The following FRMD3 variants were observed in gnomAD, a reference collection of about 807,000 sequenced individuals.
The protein encoded by FRMD3 is FERM domain containing 3, also known as FERM domain-containing protein 3.
A neutral mutation model predicts 70.2 loss-of-function variants in FRMD3; 33 were observed. The observed-to-expected ratio is 0.47, with a 90% CI of 0.36 to 0.63. The LOEUF is 0.63. Among genes scored for constraint, FRMD3 ranks in the 20% least tolerant of loss-of-function variants. FRMD3 has a pLI of 0.00. For missense variants in FRMD3, 632 were observed against 711.4 expected (o/e 0.89, Z 1.27); for synonymous variants, 279 against 255.9 (o/e 1.09, Z -0.86).
rs1271332912 is a variant in FRMD3, at chr9:83,477,513, A to G, written c.147+60572T>C. Among the ~76,000 whole-genome samples the G allele has an allele frequency of 2.0e-5, 3 of 152,060 alleles. No homozygotes were observed. The East Asian group carries it at 5.8e-4, about 29-fold the overall frequency. On this transcript the variant is annotated intron_variant, in intron 1 of 13. Transcript: ENST00000304195. ...TCTGCAGCCTGTCTGGGCCACTGGGATTTGCAAAGCTCCCCAGGTAATTAT... is the reference window on the plus strand; with the variant it reads ...TCTGCAGCCTGTCTGGGCCACTGGGGTTTGCAAAGCTCCCCAGGTAATTAT...
intron 1 of FRMD3, among the ~76,000 whole-genome samples, chr9:83,472,027 G>C (rs1017540396): frequency 1.3e-5 from 2 of 152,200 alleles, no homozygotes; most frequent in African/African-American, 2.4e-5. Flanking sequence ...ACAACACAGA[G>C]CAAGGGCCTC....
chr9:83,443,177 C>T (rs758193229), intron 1 of FRMD3, among the ~76,000 whole-genome samples: 5 of 152,130 alleles, frequency 3.3e-5, no homozygotes, highest in Admixed American at 6.5e-5. Context: ...AAGTTCTATA[C>T]ATGTGCACAA....
chr9:83,450,228 CAG>C (rs977067815), intron 1 of FRMD3, among the ~76,000 whole-genome samples: 6 of 140,328 alleles, frequency 4.3e-5, no homozygotes, highest in Non-Finnish European at 9.3e-5. Context: ...CACACACACA[CAG>C]ACACACACAC....
chr9:83,366,653 A>G (rs1312773385), intron 3 of FRMD3, among the ~76,000 whole-genome samples: 1 of 152,260 alleles, frequency 6.6e-6, no homozygotes, highest in Non-Finnish European at 1.5e-5. Flanking sequence ...CTCTCAAAGA[A>G]AGAAGAAAAT....
chr9:83,360,371 C>CT (rs1346602736), intron 3 of FRMD3, among the ~76,000 whole-genome samples: 1 of 152,180 alleles, frequency 6.6e-6, no homozygotes, highest in Admixed American at 6.5e-5. Flanking sequence ...TATAAAGGCT[C>CT]TCCCACCAAA....
chr9:83,471,921 G>A (rs1828278366), intron 1 of FRMD3, among the ~76,000 whole-genome samples: 1 of 152,176 alleles, frequency 6.6e-6, no homozygotes, highest in South Asian at 2.1e-4. Context: ...CTTTGGGCAA[G>A]TGTCCTAACT....
chr9:83,445,743 T>C (rs1827442301), intron 1 of FRMD3, among the ~76,000 whole-genome samples: 1 of 152,192 alleles, frequency 6.6e-6, no homozygotes, highest in Non-Finnish European at 1.5e-5. Flanking sequence ...ATTAGGAATG[T>C]TTGCACTTTG....
Position 83,443,940 on chromosome 9 carries a change from T to C in FRMD3, c.148-54232A>G, listed in dbSNP as rs541609444. Among the ~76,000 whole-genome samples the C allele has an allele frequency of 5.9e-5, 9 of 152,366 alleles. No individual in the cohort carries two copies. The South Asian group carries it at 1.9e-3, about 32-fold the overall frequency. On this transcript the variant is annotated intron_variant, in intron 1 of 13. Coordinates refer to ENST00000304195, the MANE Select transcript of FRMD3 (RefSeq NM_174938.6). ...ATGGAAGGAGACCACTGTGCTCTTT[T>C]TAATTTTTTTCAATATTTGCATGTA...
In FRMD3 at chr9:83,413,855, T is replaced by G. The variant is rs796949251; in HGVS notation, c.148-24147A>C. On this transcript the variant is annotated intron_variant, in intron 1 of 13. Coordinates refer to ENST00000304195, the MANE Select transcript of FRMD3 (RefSeq NM_174938.6). Reference sequence around the variant, plus strand: ...CAACAGAAAGAAAACTATTAGAGATTTATATATCTCTTGCCAGAATGTAGC... The same window carrying G: ...CAACAGAAAGAAAACTATTAGAGATGTATATATCTCTTGCCAGAATGTAGC... 1.3e-4 allele frequency among the ~76,000 whole-genome samples: 20 copies of G among 152,292 alleles called. 1 individual carries two copies. Among genetic ancestry groups the G allele is most frequent in the African/African-American group, 4.6e-4 (19 of 41,562 alleles).
chr9:83,440,585 A>G (rs3860925), intron 1 of FRMD3, among the ~76,000 whole-genome samples: 15,220 of 152,268 alleles, frequency 0.1, 829 homozygotes, highest in Admixed American at 0.13. Context: ...GACGAGGGGC[A>G]ACATTACTAT....
chr9:83,303,343 A>G (rs1412097623), intron 10 of FRMD3, among the ~76,000 whole-genome samples: 2 of 152,196 alleles, frequency 1.3e-5, no homozygotes, highest in Non-Finnish European at 2.9e-5. Context: ...TCACTTTACC[A>G]TGGTTCCATG....
intron 13 of FRMD3, among the ~76,000 whole-genome samples, chr9:83,273,900 C>T (rs922515308): frequency 1.8e-4 from 28 of 152,258 alleles, no homozygotes; most frequent in African/African-American, 6.5e-4. Flanking sequence ...ACTGCAGCCT[C>T]GACCTCCTGG....
At chr9:83,384,242 C>A (rs1205830886) in intron 2 of FRMD3, among the ~76,000 whole-genome samples, 4 of 152,182 alleles carry the variant, frequency 2.6e-5, no homozygotes, top group Admixed American at 6.5e-5. Flanking sequence ...CTTGAGGCAG[C>A]AGCACAACCC....
At chr9:83,542,274 C>T (rs1830008422), upstream of FRMD3, among the ~76,000 whole-genome samples, 1 of 152,200 alleles carries the variant, frequency 6.6e-6, no homozygotes, top group Non-Finnish European at 1.5e-5. Flanking sequence ...AAATAGATAA[C>T]AGGTGGCCTG....
chr9:83,262,656 C>A (rs1833040606), intron 13 of FRMD3, among the ~76,000 whole-genome samples: 1 of 152,186 alleles, frequency 6.6e-6, no homozygotes, highest in Admixed American at 6.5e-5. Flanking sequence ...CCTCCCTGCC[C>A]ACCTATTGAG....
intron 1 of FRMD3, among the ~76,000 whole-genome samples, chr9:83,492,789 T>C (rs1240545163): frequency 1.3e-5 from 2 of 152,158 alleles, no homozygotes; most frequent in African/African-American, 4.8e-5. Context: ...AGCAGCCTTC[T>C]GGTGGGGTGG....
At chr9:83,387,062 T>C (rs1002395571) in intron 2 of FRMD3, among the ~76,000 whole-genome samples, 23 of 152,268 alleles carry the variant, frequency 1.5e-4, no homozygotes, top group African/African-American at 5.5e-4. Context: ...TATAGAGTTA[T>C]TATTTTTCCC....
intron 8 of FRMD3, 63 bp from the exon 9 acceptor site, chr9:83,310,611 T>TAGC: frequency 7.7e-7 from 1 of 1,302,794 alleles, no homozygotes; most frequent in Non-Finnish European, 1.1e-6. Flanking sequence ...GTACCTGGGT[T>TAGC]TCCCATAGGA....
chr9:83,381,416 T>A (rs1347503862), intron 2 of FRMD3, among the ~76,000 whole-genome samples: 1 of 151,710 alleles, frequency 6.6e-6, no homozygotes, highest in Non-Finnish European at 1.5e-5. Context: ...ATTAGCCGGG[T>A]GTGGTGGCAC....
Sources: gnomAD v4.1 joint callset for allele counts (sites outside exome capture counted in the v4.1 genomes callset) on GRCh38, gnomAD v4.1.1 for gene constraint, MANE v1.5 for transcripts, NCBI Gene and HGNC (gene_info 2026-07-23, HGNC 2026-07-21) for gene names.